Variants in ZNF267 observed in about 807,000 individuals in gnomAD.
ZNF267 encodes zinc finger (C2H2).
A neutral mutation model predicts 71.6 loss-of-function variants in ZNF267; 61 were observed. The observed-to-expected ratio is 0.85, with a 90% confidence interval of 0.69 to 1.05. The LOEUF is 1.05. ZNF267 is among the 50% of genes least tolerant of loss of function. The pLI is 0.00. For synonymous variants in ZNF267, 288 were observed against 293.2 expected (o/e 0.98, Z 0.18); for missense variants, 852 against 870.0 (o/e 0.98, Z 0.26).
chr16:31,904,838 CTGGTTATTTTGCTCATTAGTTGATGTAGT>C (rs2084074536), intron 3 of ZNF267, among the ~76,000 whole-genome samples: 1 of 152,140 alleles, frequency 6.6e-6, no homozygotes, highest in African/African-American at 2.4e-5. Context: ...ATGATGTTAG[CTGGTTATTTTGCTCATTAGTTGATGTAGT>C]TTCTTTCTAG....
At chr16:31,896,428 C>T (rs959476955) in intron 3 of ZNF267, among the ~76,000 whole-genome samples, 5 of 152,180 alleles carry the variant, frequency 3.3e-5, no homozygotes, top group African/African-American at 1.2e-4. Context: ...ACACTTAATT[C>T]TTTAATCCAG....
intron 3 of ZNF267, among the ~76,000 whole-genome samples, chr16:31,897,765 T>C (rs1013523762): frequency 1.3e-5 from 2 of 152,144 alleles, no homozygotes; most frequent in African/African-American, 4.8e-5. Flanking sequence ...TTTCTACATA[T>C]TTGTAGACCT....
intron 3 of ZNF267, among the ~76,000 whole-genome samples, chr16:31,910,059 A>G (rs560664403): frequency 1.1e-4 from 17 of 152,348 alleles, no homozygotes; most frequent in Admixed American, 1.0e-3. Context: ...GATGTATCAT[A>G]CTGATTGATT....
chr16:31,874,080 G>A, intron 1 of ZNF267, 111 bp downstream of exon 1: 1 of 1,275,454 alleles, frequency 7.8e-7, no homozygotes, highest in Non-Finnish European at 1.1e-6. Context: ...TCGGGGTCTG[G>A]GCCCCGAGTC....
chr16:31,915,688 T>C lies in ZNF267; in HGVS notation c.1439T>C (p.Ile480Thr), dbSNP rs1307967062. The C allele has an allele frequency of 4.3e-6, 7 of 1,613,762 alleles. No homozygotes were observed. The highest frequency in any genetic ancestry group is 4.2e-6 in the Non-Finnish European group (5 of 1,179,930). The change falls in exon 4 of 4, where the codon ATT becomes ACT. Residue 480 changes from isoleucine (I) to threonine (T), a missense_variant. By Grantham distance (89) the Ile-to-Thr change is moderately conservative (BLOSUM62 -1). Transcript: ENST00000300870. ...SKSYARSSNL[I>T]MHQRVHTGEK... ...TCTTATGCTCGTTCTTCAAATCTTA[T>C]TATGCATCAGAGAGTTCATACTGGA... is the stretch of plus-strand genomic sequence containing the variant.
In ZNF267 at chr16:31,914,925, A is replaced by G. The variant is rs772510870; in HGVS notation, c.676A>G (p.Asn226Asp). 2.5e-6 allele frequency: 4 copies of G among 1,611,626 alleles called. No individual in the cohort carries two copies. Among genetic ancestry groups the G allele is most frequent in the Non-Finnish European group, 3.4e-6 (4 of 1,179,370 alleles). The change falls in exon 4 of 4, where the codon AAC becomes GAC. Residue 226 changes from asparagine (N) to aspartate (D), a missense_variant. Asn to Asp is a conservative substitution (Grantham distance 23). Coordinates refer to ENST00000300870, the MANE Select transcript of ZNF267 (RefSeq NM_003414.6). ...YHCNNSEKTL[N>D]QSSSPKNHQE... ...TTGCAATAATTCTGAAAAAACCTTGAACCAAAGCTCAAGCCCTAAAAATCA... is the reference window on the plus strand; with the variant it reads ...TTGCAATAATTCTGAAAAAACCTTGGACCAAAGCTCAAGCCCTAAAAATCA...
At chr16:31,882,725 G>A (rs373123718) in intron 1 of ZNF267, among the ~76,000 whole-genome samples, 3 of 152,002 alleles carry the variant, frequency 2.0e-5, no homozygotes, top group Non-Finnish European at 2.9e-5. Context: ...GTTCCCCTCC[G>A]CCCATATCAC....
intron 3 of ZNF267, among the ~76,000 whole-genome samples, chr16:31,893,253 G>A (rs143348597): frequency 6.5e-4 from 99 of 152,346 alleles, no homozygotes; most frequent in African/African-American, 2.3e-3. Context: ...TGCTGGAGCC[G>A]CTGGGATGCA....
At chr16:31,892,273 A>C (rs1279289036) in intron 3 of ZNF267, among the ~76,000 whole-genome samples, 1 of 152,152 alleles carries the variant, frequency 6.6e-6, no homozygotes, top group Non-Finnish European at 1.5e-5. Flanking sequence ...AAACCATCAG[A>C]TCTCCTGAGA....
intron 3 of ZNF267, among the ~76,000 whole-genome samples, chr16:31,890,671 G>T (rs970659447): frequency 6.6e-6 from 1 of 152,204 alleles, no homozygotes; most frequent in Non-Finnish European, 1.5e-5. Context: ...CAAAGAAAAC[G>T]ACATTGTTAT....
chr16:31,912,693 T>C lies in ZNF267; in HGVS notation c.227-1783T>C, dbSNP rs1026657722. 12 of 151,760 alleles carry C rather than the reference T, an allele frequency of 7.9e-5. 1 individual carries two copies. The highest frequency in any genetic ancestry group is 2.9e-4 in the African/African-American group (12 of 41,018). 9.4% of individuals were successfully genotyped at this position (151,760 alleles called of 1,614,324 possible). The stretch of plus-strand genomic sequence containing the variant: ...CCTTTTCAGGGTGTTTTCTAAATCT[T>C]GTAGGCATACTTCATTCTTTTTTGT... On this transcript the variant is annotated intron_variant, in intron 3 of 3. Transcript: ENST00000300870.
intron 3 of ZNF267, among the ~76,000 whole-genome samples, chr16:31,889,749 T>C (rs2083947521): frequency 6.6e-6 from 1 of 152,116 alleles, no homozygotes; most frequent in Admixed American, 6.6e-5. Context: ...CTACACACTT[T>C]TAAACAACCA....
intron 3 of ZNF267, chr16:31,890,125 A>G (rs1162567438): frequency 9.9e-5 from 15 of 152,086 alleles, no homozygotes; most frequent in Admixed American, 9.8e-4. Context: ...AATATTGTCT[A>G]TTTAGTTTAT....
chr16:31,907,839 G>A lies in ZNF267; in HGVS notation c.227-6637G>A, dbSNP rs1226667683. ...ATCACGAGGTCAGGAGATTGAGACC[G>A]TCCTGGCTAACATGATGAAACCCCG... On this transcript the variant is annotated intron_variant, in intron 3 of 3. Coordinates refer to ENST00000300870, the MANE Select transcript of ZNF267 (RefSeq NM_003414.6). 1.4e-4 allele frequency among the ~76,000 whole-genome samples: 21 copies of A among 151,522 alleles called. No homozygotes were observed. The East Asian group carries it at 1.8e-3, about 13-fold the overall frequency.
At chr16:31,882,670 C>G (rs921784135) in intron 1 of ZNF267, among the ~76,000 whole-genome samples, 1 of 152,278 alleles carries the variant, frequency 6.6e-6, no homozygotes, top group Non-Finnish European at 1.5e-5. Flanking sequence ...TGTATCTTCC[C>G]CCACAGATTG....
intron 3 of ZNF267, chr16:31,894,879 C>G: frequency 5.0e-6 from 2 of 397,648 alleles, no homozygotes; most frequent in Non-Finnish European, 9.9e-6. Flanking sequence ...CAAGGAATCT[C>G]TTTCATGACC....
Position 31,914,580 on chromosome 16 carries a change from T to G in ZNF267, c.331T>G (p.Leu111Val). ...ACATGGGAGCTGTGATCTTGAGAATTTACATTTAAGAAAAAGGTGGAAAAG... is the reference window on the plus strand; with the variant it reads ...ACATGGGAGCTGTGATCTTGAGAATGTACATTTAAGAAAAAGGTGGAAAAG... ...RRHGSCDLENLHLRKRWKREE... is the reference protein window; with the variant it reads ...RRHGSCDLENVHLRKRWKREE... Residue 111 changes from leucine to valine, a missense_variant, in exon 4 of 4, where the codon TTA becomes GTA. By Grantham distance (32) the Leu-to-Val change is conservative. Transcript: ENST00000300870. The G allele has an allele frequency of 6.2e-7, 1 of 1,614,100 alleles. No individual in the cohort carries two copies. The highest frequency in any genetic ancestry group is 8.5e-7 in the Non-Finnish European group (1 of 1,180,014).
chr16:31,896,966 A>T (rs965851663), intron 3 of ZNF267, among the ~76,000 whole-genome samples: 1 of 152,010 alleles, frequency 6.6e-6, no homozygotes, highest in African/African-American at 2.4e-5. Flanking sequence ...TGTAGTTTTA[A>T]TGTAGGAATA....
At chr16:31,882,565 C>T (rs138759654) in intron 1 of ZNF267, among the ~76,000 whole-genome samples, 7 of 152,226 alleles carry the variant, frequency 4.6e-5, no homozygotes, top group African/African-American at 1.4e-4. Context: ...GATATGTATG[C>T]GTATTGAACC....
Sources: gnomAD v4.1 joint callset for allele counts (sites outside exome capture counted in the v4.1 genomes callset) on GRCh38, gnomAD v4.1.1 for gene constraint, MANE v1.5 for transcripts, NCBI Gene and HGNC (gene_info 2026-07-23, HGNC 2026-07-21) for gene names.